The following TTBK2 variants were observed in gnomAD, a reference collection of about 807,000 sequenced individuals.
TTBK2 encodes the protein tau-tubulin kinase 2.
TTBK2 carries 28 observed loss-of-function variants against 110.8 expected under a neutral mutation model. The ratio of observed to expected loss-of-function variants is 0.25; its 90% CI spans 0.19 to 0.35. The LOEUF (loss-of-function observed/expected upper bound fraction) is 0.35, where lower values mean the gene tolerates loss of function less well. Ranked by LOEUF, TTBK2 falls within the 10% of genes least tolerant of loss-of-function variation. The probability of loss-of-function intolerance (pLI) is 1.00; values close to 1 mark genes in which losing one functional copy is unlikely to be tolerated. For missense variants in TTBK2, 1,369 were observed against 1,500.3 expected (o/e 0.91, Z 1.45); for synonymous variants, 532 against 527.3 (o/e 1.01, Z -0.12).
chr15:42,826,526 G>C (rs889280944), intron 6 of TTBK2, among the ~76,000 whole-genome samples: 2 of 152,158 alleles, frequency 1.3e-5, no homozygotes, highest in African/African-American at 2.4e-5. Context: ...TGTGTAAATA[G>C]ACTGTAAACT....
intron 1 of TTBK2, among the ~76,000 whole-genome samples, chr15:42,880,527 C>T (rs1345103830): frequency 6.6e-6 from 1 of 152,130 alleles, no homozygotes; most frequent in Non-Finnish European, 1.5e-5. Context: ...GCTGGGACTA[C>T]AGGCACGCAC....
At chr15:42,787,951 G>A (rs1389060442) in intron 10 of TTBK2, among the ~76,000 whole-genome samples, 1 of 151,926 alleles carries the variant, frequency 6.6e-6, no homozygotes, top group Non-Finnish European at 1.5e-5. Flanking sequence ...TAGGCTATAT[G>A]GTATAACCTA....
intron 1 of TTBK2, among the ~76,000 whole-genome samples, chr15:42,902,939 C>T (rs766616074): frequency 3.4e-5 from 5 of 146,280 alleles, no homozygotes; most frequent in Admixed American, 2.0e-4. Context: ...GAAGAGAGAT[C>T]GCGCCATTGC....
chr15:42,841,656 C>T (rs757214561), intron 3 of TTBK2, among the ~76,000 whole-genome samples: 37 of 152,152 alleles, frequency 2.4e-4, no homozygotes, highest in Admixed American at 4.6e-4. Flanking sequence ...GGGTAGACCA[C>T]AAGGGTGTCA....
intron 13 of TTBK2, 148 bp from the exon 14 acceptor site, chr15:42,753,395 T>G: frequency 1.2e-6 from 1 of 819,146 alleles, no homozygotes; most frequent in Non-Finnish European, 1.9e-6. Context: ...AAATGAACAA[T>G]TCTGAATAAC....
intron 3 of TTBK2, among the ~76,000 whole-genome samples, chr15:42,870,761 T>C (rs969755677): frequency 7.3e-5 from 11 of 150,282 alleles, no homozygotes; most frequent in African/African-American, 9.8e-5. Flanking sequence ...CTCAGGAGGC[T>C]GAGGCAGGAG....
intron 13 of TTBK2, among the ~76,000 whole-genome samples, chr15:42,774,570 C>T (rs140563889): frequency 3.3e-5 from 5 of 152,256 alleles, no homozygotes; most frequent in East Asian, 3.9e-4. Flanking sequence ...TTCCTGAGCA[C>T]GCTCTTCCCC....
chr15:42,756,874 C>A (rs78821926), intron 13 of TTBK2, among the ~76,000 whole-genome samples: 7,796 of 149,880 alleles, frequency 0.052, 606 homozygotes, highest in African/African-American at 0.16. Flanking sequence ...TCAAAAAAAA[C>A]AAAAACAAAA....
intron 4 of TTBK2, among the ~76,000 whole-genome samples, chr15:42,837,085 C>T (rs1358415724): frequency 1.3e-5 from 2 of 152,128 alleles, no homozygotes; most frequent in Admixed American, 1.3e-4. Context: ...AGAGGCTGGG[C>T]GCGGTGGCTT....
chr15:42,815,905 TA>T (rs1567040259), intron 7 of TTBK2, among the ~76,000 whole-genome samples: 1 of 112,116 alleles, frequency 8.9e-6, no homozygotes, highest in Non-Finnish European at 1.6e-5. Context: ...TATATATATA[TA>T]TTTAAAAATA....
intron 1 of TTBK2, among the ~76,000 whole-genome samples, chr15:42,920,142 C>T (rs2031291695): frequency 6.6e-6 from 1 of 152,150 alleles, no homozygotes; most frequent in African/African-American, 2.4e-5. Context: ...ATATGTGGGT[C>T]ACCCACAGAG....
intron 1 of TTBK2, among the ~76,000 whole-genome samples, chr15:42,892,536 G>A (rs964072299): frequency 2.6e-5 from 4 of 151,592 alleles, no homozygotes; most frequent in Non-Finnish European, 4.4e-5. Context: ...GCAAGACACT[G>A]TCTCCACAAA....
chr15:42,857,058 C>T (rs950274323), intron 3 of TTBK2, among the ~76,000 whole-genome samples: 10 of 146,600 alleles, frequency 6.8e-5, no homozygotes, highest in African/African-American at 2.6e-4. Context: ...TAGACTCTGT[C>T]TCACAAAAAA....
intron 3 of TTBK2, among the ~76,000 whole-genome samples, chr15:42,870,091 T>C (rs1424034226): frequency 2.6e-5 from 4 of 151,992 alleles, no homozygotes; most frequent in Admixed American, 6.6e-5. Context: ...GGAGAATCAC[T>C]TGAACCCAGG....
intron 10 of TTBK2, among the ~76,000 whole-genome samples, chr15:42,791,164 G>C (rs555226369): frequency 6.6e-6 from 1 of 152,044 alleles, no homozygotes; most frequent in Non-Finnish European, 1.5e-5. Context: ...GATTACAGGC[G>C]TGAGCCACGG....
At chr15:42,808,664 T>C (rs1891580570) in intron 9 of TTBK2, among the ~76,000 whole-genome samples, 1 of 151,410 alleles carries the variant, frequency 6.6e-6, no homozygotes, top group Non-Finnish European at 1.5e-5. Flanking sequence ...TTGGGCAACA[T>C]AGGGAAACCT....
At chr15:42,858,543 G>C (rs774320413) in intron 3 of TTBK2, among the ~76,000 whole-genome samples, 1 of 152,144 alleles carries the variant, frequency 6.6e-6, no homozygotes, top group Non-Finnish European at 1.5e-5. Flanking sequence ...AAAAATTAGA[G>C]TAAGGGACTT....
chr15:42,833,345 A>G (rs1892847474), intron 4 of TTBK2, among the ~76,000 whole-genome samples: 1 of 152,062 alleles, frequency 6.6e-6, no homozygotes, highest in Admixed American at 6.6e-5. Context: ...ACAAGATCTC[A>G]ATAAAAATGC....
chr15:42,908,828 T>C (rs531940005), intron 1 of TTBK2, among the ~76,000 whole-genome samples: 3 of 152,318 alleles, frequency 2.0e-5, no homozygotes, highest in Non-Finnish European at 4.4e-5. Context: ...AGAATGTTCA[T>C]AGTCACATTG....
Sources: gnomAD v4.1 joint callset for allele counts (sites outside exome capture counted in the v4.1 genomes callset) on GRCh38, gnomAD v4.1.1 for gene constraint, MANE v1.5 for transcripts, NCBI Gene and HGNC (gene_info 2026-07-23, HGNC 2026-07-21) for gene names.